The following SLC12A6 variants were observed in gnomAD, a reference collection of about 807,000 sequenced individuals.
The protein encoded by SLC12A6 is solute carrier family 12 member 6.
Under a neutral mutation model 135.3 loss-of-function variants are expected in SLC12A6, and 66 were observed. That is an observed-to-expected ratio of 0.49 (90% CI 0.40 to 0.60). The LOEUF (loss-of-function observed/expected upper bound fraction) is 0.60. Ranked by LOEUF, SLC12A6 falls within the 20% of genes least tolerant of loss-of-function variation. SLC12A6 has a pLI of 0.00. For synonymous variants in SLC12A6, 513 were observed against 508.8 expected (o/e 1.01, Z -0.11); for missense variants, 1,058 against 1,452.3 (o/e 0.73, Z 4.41).
Position 34,272,873 on chromosome 15 carries a change from A to G in SLC12A6, c.316+2472T>C, listed in dbSNP as rs115924758. ...TGTTCCTGATAATGAACTATTCTCAAACATCTCTGCCTGTCATGTATGTAT... is the reference window on the plus strand; with the variant it reads ...TGTTCCTGATAATGAACTATTCTCAGACATCTCTGCCTGTCATGTATGTAT... On this transcript the variant is annotated intron_variant, in intron 3 of 25. Transcript: ENST00000354181. Among the ~76,000 whole-genome samples the G allele has an allele frequency of 6.4e-3, 976 of 152,292 alleles. 8 individuals carry two copies. The highest frequency in any genetic ancestry group is 0.022 in the African/African-American group (904 of 41,552).
At position 34,237,548 on chromosome 15, in the gene SLC12A6, C is replaced by T; in HGVS notation, c.2805G>A (p.Val935=). 1 of 1,611,524 alleles carries T rather than the reference C, an allele frequency of 6.2e-7. No individual in the cohort carries two copies. Among genetic ancestry groups the T allele is most frequent in the South Asian group, 1.1e-5 (1 of 90,976 alleles). ...AGATCCGTATGCTGCACTTTCGCCA[C>T]ACCTGAGAGAGTGACATACACATGT... The part of the protein sequence containing the change: ...LLPFLLKQHK[V]WRKCSIRIFT... The change falls in exon 22 of 26, where the codon GTG becomes GTA. Residue 935 remains valine (V), a splice_region_variant and synonymous_variant. Transcript: ENST00000354181.
chr15:34,338,041 G>C (rs1244203559), upstream of SLC12A6: 2 of 152,046 alleles, frequency 1.3e-5, no homozygotes, highest in East Asian at 3.9e-4. Context: ...AGCCGCCGCA[G>C]CCCGCGGTGA....
intron 2 of SLC12A6, among the ~76,000 whole-genome samples, chr15:34,283,986 G>A (rs1269967283): frequency 1.3e-5 from 2 of 152,012 alleles, no homozygotes; most frequent in African/African-American, 4.8e-5. Flanking sequence ...AAACTCTGGG[G>A]CTCAGGCGAT....
At chr15:34,246,871 G>C (rs1354938530) in intron 13 of SLC12A6, among the ~76,000 whole-genome samples, 1 of 152,102 alleles carries the variant, frequency 6.6e-6, no homozygotes, top group African/African-American at 2.4e-5. Context: ...GGCTTGTCAT[G>C]AACTCCTGGG....
chr15:34,278,270 T>TA (rs1333247519), intron 2 of SLC12A6, among the ~76,000 whole-genome samples: 1 of 151,606 alleles, frequency 6.6e-6, no homozygotes, highest in Non-Finnish European at 1.5e-5. Flanking sequence ...CCACTAAAAA[T>TA]AAAAAAATCA....
intron 3 of SLC12A6, among the ~76,000 whole-genome samples, chr15:34,269,692 G>A (rs1447737970): frequency 1.3e-5 from 2 of 152,100 alleles, no homozygotes; most frequent in Non-Finnish European, 2.9e-5. Context: ...TTTGATCATG[G>A]CATCCATGTG....
chr15:34,288,993 C>G (rs1212628147), intron 2 of SLC12A6, among the ~76,000 whole-genome samples: 5 of 152,166 alleles, frequency 3.3e-5, no homozygotes, highest in African/African-American at 1.2e-4. Context: ...TCTTGCCTGA[C>G]TGCCCTGGCC....
At chr15:34,255,796 T>A (rs1892711827) in intron 7 of SLC12A6, among the ~76,000 whole-genome samples, 1 of 143,704 alleles carries the variant, frequency 7.0e-6, no homozygotes. Context: ...CATAGTAAAA[T>A]GTCACCTCTG....
At chr15:34,236,335 T>C in intron 23 of SLC12A6, 136 bp from the exon 24 acceptor site, 1 of 738,162 alleles carries the variant, frequency 1.4e-6, no homozygotes, top group South Asian at 1.5e-5. Flanking sequence ...TTGAAAACAA[T>C]ATAGTATCAT....
rs1395921050 is a variant in SLC12A6, at chr15:34,257,676, T to C, written c.656A>G (p.Gln219Arg). Residue 219 changes from glutamine to arginine, a missense_variant, in exon 6 of 26, where the codon CAG becomes CGG. Transcript: ENST00000354181. ...TWVVGTAGVL[Q>R]AFAIVLICCC... ...GCAGATAAGGACAATTGCAAAAGCC[T>C]GAAGAACTCCAGCTGTGCCCACCAC... is the stretch of plus-strand genomic sequence containing the variant. The C allele has an allele frequency of 2.5e-6, 4 of 1,613,486 alleles. No homozygotes were observed. The highest frequency in any genetic ancestry group is 3.4e-6 in the Non-Finnish European group (4 of 1,179,648).
chr15:34,312,589 C>T (rs982795411), intron 2 of SLC12A6, among the ~76,000 whole-genome samples: 4 of 152,168 alleles, frequency 2.6e-5, no homozygotes, highest in East Asian at 1.9e-4. Context: ...TCAAGAAAGA[C>T]GTAAGGAAAG....
At position 34,254,555 on chromosome 15, in the gene SLC12A6, C is replaced by T. The variant is rs1201063684; in HGVS notation, c.911G>A (p.Ser304Asn). 1.2e-6 allele frequency: 2 copies of T among 1,610,120 alleles called. No homozygotes were observed. Among genetic ancestry groups the T allele is most frequent in the Admixed American group, 3.3e-5 (2 of 60,024 alleles). ...TGCTGATTCCTTGAGTGCGTCATCA[C>T]TGTGAAAGATGGCAGCTCGGGGGAC... ...YIVPRAAIFH[S>N]DDALKESAAM... The change falls in exon 9 of 26, where the codon AGT becomes AAT. Residue 304 changes from serine (S) to asparagine (N), a missense_variant. Physicochemically the swap from Ser to Asn is conservative, Grantham distance 46. Transcript: ENST00000354181.
intron 5 of SLC12A6, 39 bp downstream of exon 5, chr15:34,258,774 G>A: frequency 6.4e-7 from 1 of 1,555,890 alleles, no homozygotes; most frequent in Non-Finnish European, 8.9e-7. Flanking sequence ...TTATATACAG[G>A]GCTCTTTCTA....
At chr15:34,312,515 T>C (rs1888329609) in intron 2 of SLC12A6, among the ~76,000 whole-genome samples, 1 of 152,132 alleles carries the variant, frequency 6.6e-6, no homozygotes, top group Non-Finnish European at 1.5e-5. Flanking sequence ...TAATACAGTG[T>C]GTGGTTAAGT....
Position 34,336,394 on chromosome 15 carries a change from C to A in SLC12A6, c.271+16G>T. The A allele has an allele frequency of 6.2e-7, 1 of 1,605,298 alleles. No individual in the cohort carries two copies. Among genetic ancestry groups the A allele is most frequent in the South Asian group, 1.1e-5 (1 of 90,866 alleles). ...CCCAGTAATGAAAGTATGCTGCGGT[C>A]TGTGTTTCTACTTACCCTCGATGAC... On this transcript the variant is annotated intron_variant, in intron 2 of 25. Transcript: ENST00000354181.
Position 34,238,351 on chromosome 15 carries a change from T to C in SLC12A6, c.2683A>G (p.Asn895Asp). The C allele has an allele frequency of 6.2e-7, 1 of 1,613,982 alleles. No individual in the cohort carries two copies. The highest frequency in any genetic ancestry group is 8.5e-7 in the Non-Finnish European group (1 of 1,179,838). ...AAHLALLVAK[N>D]ISFFPSNVEQ... ...ACATTGCTGGGAAAGAAGGAGATGT[T>C]TTTAGCCACCAGCAGTGCAAGATGG... The change falls in exon 21 of 26, where the codon AAC becomes GAC. Residue 895 changes from asparagine to aspartate, a missense_variant. Transcript: ENST00000354181.
intron 2 of SLC12A6, among the ~76,000 whole-genome samples, chr15:34,289,140 T>C (rs1420016386): frequency 6.6e-6 from 1 of 152,208 alleles, no homozygotes; most frequent in Non-Finnish European, 1.5e-5. Context: ...ATAGCTCTTA[T>C]TATTTTGAGA....
intron 2 of SLC12A6, among the ~76,000 whole-genome samples, chr15:34,311,039 T>C (rs1888218147): frequency 6.6e-6 from 1 of 152,202 alleles, no homozygotes; most frequent in Non-Finnish European, 1.5e-5. Context: ...TCTCATAGTT[T>C]GCTCTCCTAC....
At chr15:34,243,636 G>T (rs1891795309) in intron 16 of SLC12A6, among the ~76,000 whole-genome samples, 1 of 152,184 alleles carries the variant, frequency 6.6e-6, no homozygotes, top group East Asian at 1.9e-4. Context: ...TAGTAGAGCT[G>T]AGATTGGAAT....
Sources: allele counts gnomAD v4.1 joint callset (sites outside exome capture counted in the v4.1 genomes callset), GRCh38; gene constraint gnomAD v4.1.1; transcripts MANE v1.5; gene names NCBI Gene and HGNC (gene_info 2026-07-23, HGNC 2026-07-21).